HS3ST4: variants seen among roughly 807,000 people sequenced by gnomAD.
The protein encoded by HS3ST4 is heparan sulfate-glucosamine 3-sulfotransferase 4.
In HS3ST4, 17 loss-of-function variants were observed where a neutral mutation model predicts 29.2. The ratio of observed to expected loss-of-function variants is 0.58; its 90% confidence interval spans 0.40 to 0.87. HS3ST4 has a LOEUF of 0.87. Ranked by LOEUF, HS3ST4 falls within the 40% of genes least tolerant of loss-of-function variation. The pLI, the probability that HS3ST4 is intolerant of heterozygous loss-of-function variation, is 0.00. For missense variants in HS3ST4, 627 were observed against 634.5 expected, an observed-to-expected ratio of 0.99 and a Z score of 0.13; for synonymous variants, 314 against 285.7, an observed-to-expected ratio of 1.10 and a Z score of -1.00.
chr16:25,990,618 G>A (rs995127171), intron 1 of HS3ST4, among the ~76,000 whole-genome samples: 1 of 152,162 alleles, frequency 6.6e-6, no homozygotes, highest in Non-Finnish European at 1.5e-5. Context: ...TGACTTGGGA[G>A]GAATTAATCT....
At chr16:25,796,774 G>A (rs1966888386) in intron 1 of HS3ST4, among the ~76,000 whole-genome samples, 1 of 152,178 alleles carries the variant, frequency 6.6e-6, no homozygotes, top group Non-Finnish European at 1.5e-5. Context: ...TGTATGGTTT[G>A]CAGTCATATT....
At chr16:25,793,833 TCCTC>T (rs1567241126) in intron 1 of HS3ST4, among the ~76,000 whole-genome samples, 1 of 152,152 alleles carries the variant, frequency 6.6e-6, no homozygotes, top group East Asian at 1.9e-4. Context: ...TTTGTATTCT[TCCTC>T]CCTATTTTTG....
intron 1 of HS3ST4, among the ~76,000 whole-genome samples, chr16:25,811,818 A>G (rs903370589): frequency 6.6e-6 from 1 of 152,174 alleles, no homozygotes; most frequent in Non-Finnish European, 1.5e-5. Context: ...TCAACCGTTT[A>G]TGTTATTAGT....
chr16:25,950,164 G>A (rs1474647464), intron 1 of HS3ST4, among the ~76,000 whole-genome samples: 1 of 152,082 alleles, frequency 6.6e-6, no homozygotes, highest in Non-Finnish European at 1.5e-5. Flanking sequence ...AAAAAAAATG[G>A]AGGCTCTCAA....
At chr16:25,711,890 A>G (rs1966418166) in intron 1 of HS3ST4, among the ~76,000 whole-genome samples, 1 of 152,158 alleles carries the variant, frequency 6.6e-6, no homozygotes, top group South Asian at 2.1e-4. Context: ...CAGCCTCCCA[A>G]AGTGCTGGGA....
rs73525845 is a variant in HS3ST4, at chr16:26,136,619, C to A, written c.*371C>A. On this transcript the variant is annotated 3_prime_UTR_variant, in exon 2 of 2. Transcript: ENST00000331351. ...AAAAAAGGTCTGCTTTATAGGGGTT[C>A]TCACTCTAGCTTGGGGAGCCAGGGT... is the stretch of plus-strand genomic sequence containing the variant. The A allele has an allele frequency of 7.1e-3, 1,633 of 229,548 alleles. 31 individuals carry two copies. Among genetic ancestry groups the A allele is most frequent in the African/African-American group, 0.035 (1,544 of 44,074 alleles). 14.2% of individuals were successfully genotyped at this position (229,548 alleles called of 1,614,324 possible).
chr16:25,855,305 T>G (rs1250630393), intron 1 of HS3ST4, among the ~76,000 whole-genome samples: 2 of 152,064 alleles, frequency 1.3e-5, no homozygotes, highest in Non-Finnish European at 2.9e-5. Context: ...AGAGAATAGG[T>G]GGTAAATGTC....
intron 1 of HS3ST4, among the ~76,000 whole-genome samples, chr16:26,105,760 A>G (rs1353812327): frequency 6.6e-6 from 1 of 152,204 alleles, no homozygotes; most frequent in East Asian, 1.9e-4. Context: ...GGCTTCCCCC[A>G]TGGGGCTTGC....
intron 1 of HS3ST4, among the ~76,000 whole-genome samples, chr16:25,809,967 C>T (rs1967026275): frequency 6.6e-6 from 1 of 151,798 alleles, no homozygotes; most frequent in African/African-American, 2.4e-5. Flanking sequence ...TTCCTGTTTT[C>T]AATTTCATTG....
chr16:25,937,691 A>G (rs1968530258), intron 1 of HS3ST4, among the ~76,000 whole-genome samples: 1 of 152,184 alleles, frequency 6.6e-6, no homozygotes, highest in South Asian at 2.1e-4. Context: ...TGCCTGGTTG[A>G]CAATGAGAAG....
chr16:25,940,643 G>A (rs972656920), intron 1 of HS3ST4, among the ~76,000 whole-genome samples: 15 of 152,214 alleles, frequency 9.9e-5, no homozygotes, highest in African/African-American at 3.6e-4. Flanking sequence ...CAAACTCCTG[G>A]AGAAGAAGAT....
intron 1 of HS3ST4, among the ~76,000 whole-genome samples, chr16:25,828,198 TTTC>T (rs1336079052): frequency 6.7e-6 from 1 of 149,864 alleles, no homozygotes; most frequent in Non-Finnish European, 1.5e-5. Flanking sequence ...CTTTCTTTTC[TTTC>T]TTTCTTGCTT....
chr16:26,026,010 G>A (rs1012497169), intron 1 of HS3ST4, among the ~76,000 whole-genome samples: 5 of 152,000 alleles, frequency 3.3e-5, no homozygotes, highest in Non-Finnish European at 7.4e-5. Context: ...TCTTGATCTC[G>A]TGGTCTGCCT....
chr16:25,971,944 A>AG (rs1371187886), intron 1 of HS3ST4, among the ~76,000 whole-genome samples: 1 of 152,132 alleles, frequency 6.6e-6, no homozygotes, highest in Admixed American at 6.5e-5. Flanking sequence ...AAAGAAAGAA[A>AG]GAAAAAAAAG....
chr16:26,038,557 C>T, intron 1 of HS3ST4, among the ~76,000 whole-genome samples: 1 of 152,092 alleles, frequency 6.6e-6, no homozygotes, highest in Non-Finnish European at 1.5e-5. Context: ...AAATGAATGC[C>T]TACATGCCCA....
chr16:26,074,991 G>A (rs1324397263), intron 1 of HS3ST4, among the ~76,000 whole-genome samples: 1 of 152,132 alleles, frequency 6.6e-6, no homozygotes, highest in African/African-American at 2.4e-5. Flanking sequence ...TCAAGAGATC[G>A]AGGCCAGCCT....
intron 1 of HS3ST4, among the ~76,000 whole-genome samples, chr16:25,943,803 C>A (rs540800594): frequency 1.3e-5 from 2 of 152,164 alleles, no homozygotes; most frequent in Non-Finnish European, 2.9e-5. Flanking sequence ...CTCACAACAA[C>A]GTGGTGAGAT....
intron 1 of HS3ST4, among the ~76,000 whole-genome samples, chr16:25,901,391 C>T (rs919409393): frequency 6.6e-6 from 1 of 152,230 alleles, no homozygotes; most frequent in African/African-American, 2.4e-5. Flanking sequence ...CTCTTTCAGA[C>T]TGGGAGTGGT....
intron 1 of HS3ST4, among the ~76,000 whole-genome samples, chr16:26,057,490 C>G (rs1567303369): frequency 6.6e-6 from 1 of 152,150 alleles, no homozygotes; most frequent in Non-Finnish European, 1.5e-5. Flanking sequence ...CGCGGTGGCT[C>G]ACGCCTGTAA....
Sources: gnomAD v4.1 joint callset for allele counts (sites outside exome capture counted in the v4.1 genomes callset) on GRCh38, gnomAD v4.1.1 for gene constraint, MANE v1.5 for transcripts, NCBI Gene and HGNC (gene_info 2026-07-23, HGNC 2026-07-21) for gene names.